Variants in MAST4 observed in about 807,000 individuals in gnomAD.
MAST4 encodes microtubule-associated serine/threonine-protein kinase 4.
In MAST4, 89 loss-of-function variants were observed where a neutral mutation model predicts 162.7. The ratio of observed to expected loss-of-function variants is 0.55; its 90% CI spans 0.46 to 0.65. MAST4 has a LOEUF of 0.65. Ranked by LOEUF, MAST4 falls within the 30% of genes least tolerant of loss-of-function variation. The pLI is 0.00. For missense variants in MAST4, 3,153 were observed against 3,374.0 expected, an observed-to-expected ratio of 0.93 and a Z score of 1.62; for synonymous variants, 1,479 against 1,361.1, an observed-to-expected ratio of 1.09 and a Z score of -1.91.
chr5:66,971,157 T>A (rs1747387726), intron 4 of MAST4, among the ~76,000 whole-genome samples: 1 of 152,204 alleles, frequency 6.6e-6, no homozygotes, highest in African/African-American at 2.4e-5. Context: ...TCTGGAGCTT[T>A]CTTGCTTGGT....
chr5:66,958,219 A>G (rs1349918824), intron 4 of MAST4, among the ~76,000 whole-genome samples: 2 of 152,192 alleles, frequency 1.3e-5, no homozygotes, highest in Non-Finnish European at 1.5e-5. Context: ...AATTCTTGAT[A>G]AAATAAAGCT....
At chr5:67,118,919 C>T (rs556945008) in intron 13 of MAST4, among the ~76,000 whole-genome samples, 170 bp downstream of exon 13, 3 of 152,144 alleles carry the variant, frequency 2.0e-5, no homozygotes, top group Non-Finnish European at 2.9e-5. Context: ...GCTACCATTA[C>T]GTAAAGATAT....
At position 66,851,293 on chromosome 5, in the gene MAST4, C is replaced by G. The variant is rs188884444; in HGVS notation, c.643-48658C>G. On this transcript the variant is annotated intron_variant, in intron 3 of 28. Transcript: ENST00000403625. ...GTCTTTGTATCTATCTATTCAAAGC[C>G]TCAGCAAAAAGGCTCAGAGAAGAGA... is the stretch of plus-strand genomic sequence containing the variant. Among the ~76,000 whole-genome samples, 319 of 152,166 alleles carry G rather than the reference C, an allele frequency of 2.1e-3. 1 individual carries two copies. Among genetic ancestry groups the G allele is most frequent in the Middle Eastern group, 0.014 (4 of 294 alleles).
chr5:66,702,038 A>G (rs1192595408), intron 1 of MAST4, among the ~76,000 whole-genome samples: 1 of 152,174 alleles, frequency 6.6e-6, no homozygotes, highest in East Asian at 1.9e-4. Context: ...ACTTTTGCTC[A>G]GATAATTGTG....
chr5:66,607,491 T>G (rs1579972884), intron 1 of MAST4, among the ~76,000 whole-genome samples: 1 of 152,222 alleles, frequency 6.6e-6, no homozygotes, highest in Non-Finnish European at 1.5e-5. Context: ...TTGTAGCAGT[T>G]AAGGCATTTT....
At chr5:67,111,175 G>T (rs1186917412) in intron 11 of MAST4, among the ~76,000 whole-genome samples, 1 of 152,002 alleles carries the variant, frequency 6.6e-6, no homozygotes, top group Non-Finnish European at 1.5e-5. Context: ...TTATTTTAAG[G>T]ATCTAGTAAT....
chr5:67,147,620 T>C (rs945779155), intron 23 of MAST4, among the ~76,000 whole-genome samples: 1 of 152,180 alleles, frequency 6.6e-6, no homozygotes, highest in South Asian at 2.1e-4. Context: ...TGTAAAGAGA[T>C]TCAGCTTTTC....
intron 16 of MAST4, among the ~76,000 whole-genome samples, chr5:67,132,652 G>A (rs962197093): frequency 6.6e-6 from 1 of 151,988 alleles, no homozygotes; most frequent in Non-Finnish European, 1.5e-5. Context: ...CAGATGACTA[G>A]CTATTCATCT....
chr5:67,019,475 TTTATCCCTTA>T (rs1472025540), intron 4 of MAST4, among the ~76,000 whole-genome samples: 4 of 152,228 alleles, frequency 2.6e-5, no homozygotes. Context: ...AGATCTAAAC[TTTATCCCTTA>T]TGTATGTGAG....
chr5:66,823,636 C>T (rs1757100341), intron 3 of MAST4, among the ~76,000 whole-genome samples: 1 of 152,096 alleles, frequency 6.6e-6, no homozygotes, highest in Non-Finnish European at 1.5e-5. Flanking sequence ...TGTGCTGCCA[C>T]ATCCCACTAA....
intron 3 of MAST4, among the ~76,000 whole-genome samples, chr5:66,868,161 G>A (rs1760664009): frequency 6.6e-6 from 1 of 152,130 alleles, no homozygotes. Flanking sequence ...GATAATAGCT[G>A]TACTTAAGTG....
chr5:67,040,296 A>C (rs1025239731), intron 4 of MAST4, among the ~76,000 whole-genome samples: 3 of 152,236 alleles, frequency 2.0e-5, no homozygotes, highest in African/African-American at 7.2e-5. Context: ...TGCTGCATGC[A>C]TAAACACAGT....
At chr5:67,043,871 A>G (rs571121193) in intron 4 of MAST4, among the ~76,000 whole-genome samples, 26 of 152,290 alleles carry the variant, frequency 1.7e-4, no homozygotes, top group African/African-American at 6.0e-4. Context: ...CCCTAATAAT[A>G]ACTGACCTAT....
chr5:66,845,407 T>C (rs1758778590), intron 3 of MAST4, among the ~76,000 whole-genome samples: 1 of 151,952 alleles, frequency 6.6e-6, no homozygotes, highest in Non-Finnish European at 1.5e-5. Context: ...CTCAGAATGA[T>C]GGTTTCCAGC....
intron 4 of MAST4, among the ~76,000 whole-genome samples, chr5:66,985,200 A>G (rs1354251167): frequency 6.6e-6 from 1 of 152,182 alleles, no homozygotes; most frequent in African/African-American, 2.4e-5. Flanking sequence ...GGAGTTTCAC[A>G]CAGGAGAGTG....
Position 67,099,402 on chromosome 5 carries a change from G to C in MAST4, c.913-1033G>C, listed in dbSNP as rs541446757. On this transcript the variant is annotated intron_variant, in intron 7 of 28. Coordinates refer to ENST00000403625, the MANE Select transcript of MAST4 (RefSeq NM_001164664.2). ...TTAGTAAGATGTTTTATAATTTCAAGTTATAGGAATAATTTTTAAGCTTTA... is the reference window on the plus strand; with the variant it reads ...TTAGTAAGATGTTTTATAATTTCAACTTATAGGAATAATTTTTAAGCTTTA... Among the ~76,000 whole-genome samples the C allele has an allele frequency of 2.0e-5, 3 of 151,836 alleles. No homozygotes were observed. The East Asian group carries it at 5.8e-4, about 29-fold the overall frequency.
Position 67,166,667 on chromosome 5 carries a change from C to A in MAST4, c.7488C>A (p.Ala2496=). The change falls in exon 29 of 29, where the codon GCC becomes GCA. Residue 2496 remains alanine, a synonymous_variant. Coordinates refer to ENST00000403625, the MANE Select transcript of MAST4 (RefSeq NM_001164664.2). ...KAAGGMLELP[A]PSNRDHRKAQ... ...CCGGGGGCATGCTGGAGCTTCCAGC[C>A]CCCAGCAACAGGGACCATAGGAAGG... The A allele has an allele frequency of 6.3e-7, 1 of 1,597,470 alleles. No individual in the cohort carries two copies. The highest frequency in any genetic ancestry group is 2.3e-5 in the East Asian group (1 of 44,016).
chr5:66,646,611 A>T (rs1460824449), intron 1 of MAST4, among the ~76,000 whole-genome samples: 4 of 152,286 alleles, frequency 2.6e-5, no homozygotes, highest in African/African-American at 9.6e-5. Flanking sequence ...TCATAGAGAT[A>T]TTTTTTAATT....
At chr5:67,152,902 T>C (rs1038557860) in intron 25 of MAST4, 36 bp downstream of exon 25, 4 of 1,559,066 alleles carry the variant, frequency 2.6e-6, no homozygotes, top group East Asian at 2.3e-5. Flanking sequence ...GGATTTTTCA[T>C]TTCCAGCCAA....
Sources: gnomAD v4.1 joint callset for allele counts (sites outside exome capture counted in the v4.1 genomes callset) on GRCh38, gnomAD v4.1.1 for gene constraint, MANE v1.5 for transcripts, NCBI Gene and HGNC (gene_info 2026-07-23, HGNC 2026-07-21) for gene names.